The following CNBD1 variants were observed in gnomAD, a reference collection of about 807,000 sequenced individuals.
CNBD1 encodes the protein cyclic nucleotide-binding domain-containing protein 1.
CNBD1 carries 71 observed loss-of-function variants against 54.4 expected under a neutral mutation model. The observed-to-expected ratio is 1.30, with a 90% CI of 1.08 to 1.59. The LOEUF is 1.59. Among genes scored for constraint, CNBD1 ranks in the 40% most tolerant of loss-of-function variants. The probability of loss-of-function intolerance (pLI) is 0.00; values close to 1 mark genes in which losing one functional copy is unlikely to be tolerated. For synonymous variants in CNBD1, 182 were observed against 170.7 expected, an observed-to-expected ratio of 1.07 and a Z score of -0.51; for missense variants, 659 against 518.0, an observed-to-expected ratio of 1.27 and a Z score of -2.64.
intron 1 of CNBD1, among the ~76,000 whole-genome samples, chr8:86,882,401 G>A (rs1359579509): frequency 6.6e-6 from 1 of 152,124 alleles, no homozygotes; most frequent in Non-Finnish European, 1.5e-5. Context: ...CATAAATGTG[G>A]CCAACAATCA....
intron 2 of CNBD1, among the ~76,000 whole-genome samples, chr8:87,411,798 A>G (rs1281971705): frequency 2.0e-5 from 3 of 151,908 alleles, no homozygotes; most frequent in African/African-American, 7.2e-5. Context: ...TAATATTGAT[A>G]TGATAAATGC....
chr8:87,167,648 G>A (rs1413039917), intron 4 of CNBD1, among the ~76,000 whole-genome samples: 2 of 151,808 alleles, frequency 1.3e-5, no homozygotes, highest in Admixed American at 1.3e-4. Context: ...TATAAGAGTT[G>A]ACAATGGTAT....
chr8:87,339,201 A>T (rs1337172194), intron 8 of CNBD1, among the ~76,000 whole-genome samples: 1 of 152,196 alleles, frequency 6.6e-6, no homozygotes, highest in African/African-American at 2.4e-5. Flanking sequence ...CACTGGAAGA[A>T]CCAAGTGATT....
rs189030274 is a variant in CNBD1, at chr8:87,182,862, T to C, written c.432-23131T>C. ...GTAGGTTTTCTGCCTATTCAGCTGATAATTTCTTTCTTTCTTTGTCCTGTG... is the reference window on the plus strand; with the variant it reads ...GTAGGTTTTCTGCCTATTCAGCTGACAATTTCTTTCTTTCTTTGTCCTGTG... On this transcript the variant is annotated intron_variant, in intron 4 of 10. Transcript: ENST00000518476. This position sits in a 1 kb window ranked among gnomAD's most constrained non-coding sequence, Gnocchi z 4.1. Among the ~76,000 whole-genome samples, 250 of 151,874 alleles carry C rather than the reference T, an allele frequency of 1.6e-3. No individual in the cohort carries two copies. Among genetic ancestry groups the C allele is most frequent in the Non-Finnish European group, 2.5e-3 (167 of 67,804 alleles).
chr8:86,976,232 G>A (rs1194250416), intron 4 of CNBD1, among the ~76,000 whole-genome samples: 1 of 50,744 alleles, frequency 2.0e-5, no homozygotes, highest in Non-Finnish European at 3.7e-5. Context: ...TTTTTAGTTT[G>A]ATGCAAGCTC....
downstream of CNBD1, among the ~76,000 whole-genome samples, chr8:87,385,228 T>C (rs1284715362): frequency 6.6e-6 from 1 of 152,098 alleles, no homozygotes; most frequent in East Asian, 1.9e-4. Context: ...CATTTCCAAC[T>C]GAGCTACCGG....
At chr8:87,126,087 T>C (rs906901848) in intron 4 of CNBD1, among the ~76,000 whole-genome samples, 1 of 151,962 alleles carries the variant, frequency 6.6e-6, no homozygotes, top group African/African-American at 2.4e-5. Flanking sequence ...TGGGTGGGCA[T>C]TTCAATTGTT....
intron 8 of CNBD1, among the ~76,000 whole-genome samples, chr8:87,338,455 G>A (rs755034436): frequency 8.6e-5 from 13 of 151,686 alleles, no homozygotes; most frequent in Non-Finnish European, 1.8e-4. Flanking sequence ...TTCAAGGTTG[G>A]TGATTTTGTT....
intron 4 of CNBD1, among the ~76,000 whole-genome samples, chr8:87,176,296 C>A (rs939943085): frequency 2.6e-5 from 4 of 152,242 alleles, no homozygotes; most frequent in Admixed American, 6.5e-5. Context: ...GCTCTCCCCC[C>A]TCTGTATATC....
chr8:87,316,868 C>A (rs562730888), intron 8 of CNBD1, among the ~76,000 whole-genome samples: 1 of 151,142 alleles, frequency 6.6e-6, no homozygotes, highest in African/African-American at 2.4e-5. Flanking sequence ...AAGTATTAAT[C>A]GATATGAATT....
intron 10 of CNBD1, 116 bp downstream of exon 10, chr8:87,353,902 C>A (rs1810361734): frequency 4.5e-6 from 3 of 664,938 alleles, no homozygotes; most frequent in Admixed American, 3.4e-5. Context: ...GGTTCACCTG[C>A]AAAGGATGGA....
intron 2 of CNBD1, among the ~76,000 whole-genome samples, chr8:87,414,696 C>T (rs186893543): frequency 6.6e-6 from 1 of 151,968 alleles, no homozygotes; most frequent in East Asian, 1.9e-4. Flanking sequence ...TACTGGTTAT[C>T]CTTGTTATGT....
chr8:86,885,395 C>T (rs1391780286), intron 1 of CNBD1, among the ~76,000 whole-genome samples: 2 of 152,176 alleles, frequency 1.3e-5, no homozygotes, highest in African/African-American at 4.8e-5. Flanking sequence ...TAACCCCTTT[C>T]CAGCCCTCTT....
chr8:87,079,818 T>C (rs1393466938), intron 4 of CNBD1, among the ~76,000 whole-genome samples: 2 of 152,204 alleles, frequency 1.3e-5, no homozygotes, highest in African/African-American at 4.8e-5. Flanking sequence ...GGGATACTTT[T>C]ATTGTAATAA....
At chr8:87,069,231 T>A (rs1810714103) in intron 4 of CNBD1, among the ~76,000 whole-genome samples, 1 of 152,064 alleles carries the variant, frequency 6.6e-6, no homozygotes. Context: ...CTGCTGTTGT[T>A]ACTGTTTTGA....
chr8:87,315,288 A>C (rs1809360720), intron 8 of CNBD1, among the ~76,000 whole-genome samples: 1 of 152,124 alleles, frequency 6.6e-6, no homozygotes, highest in Non-Finnish European at 1.5e-5. Context: ...CTGCTATAAA[A>C]AATTGACAGA....
At chr8:87,381,658 A>G (rs2130960203) in intron 10 of CNBD1, among the ~76,000 whole-genome samples, 2 of 152,162 alleles carry the variant, frequency 1.3e-5, no homozygotes, top group Non-Finnish European at 2.9e-5. Flanking sequence ...TGTACATAAA[A>G]TGGAATGCTA....
intron 4 of CNBD1, among the ~76,000 whole-genome samples, chr8:86,998,807 T>C (rs2130541237): frequency 6.6e-6 from 1 of 152,336 alleles, no homozygotes; most frequent in East Asian, 1.9e-4. Context: ...GTGTCCCATC[T>C]AGTTTTTATG....
chr8:87,224,959 A>G (rs1321889051), intron 5 of CNBD1, among the ~76,000 whole-genome samples: 2 of 152,160 alleles, frequency 1.3e-5, no homozygotes, highest in African/African-American at 4.8e-5. Context: ...GGTCCTTCAC[A>G]TCCCTTGTAA....
Sources: allele counts gnomAD v4.1 joint callset (sites outside exome capture counted in the v4.1 genomes callset), GRCh38; gene constraint gnomAD v4.1.1; non-coding constraint Gnocchi (gnomAD v3.1); transcripts MANE v1.5; gene names NCBI Gene and HGNC (gene_info 2026-07-23, HGNC 2026-07-21).